Variants in GBP7 observed in about 807,000 individuals in gnomAD.
The protein encoded by GBP7 is guanylate-binding protein 7.
A neutral mutation model predicts 61.3 loss-of-function variants in GBP7; 43 were observed. That is an observed-to-expected ratio of 0.70 (90% CI 0.55 to 0.91). The LOEUF is 0.91. GBP7 is among the 40% of genes least tolerant of loss of function. GBP7 has a pLI of 0.00. For missense variants in GBP7, 717 were observed against 740.5 expected (o/e 0.97, Z 0.37); for synonymous variants, 267 against 271.0 (o/e 0.99, Z 0.14).
intron 7 of GBP7, among the ~76,000 whole-genome samples, chr1:89,148,197 C>A (rs1039003841): frequency 6.6e-6 from 1 of 152,206 alleles, no homozygotes; most frequent in Admixed American, 6.5e-5. Context: ...CAAAAAGGAT[C>A]TTAAAATGTG....
At chr1:89,172,101 A>C in intron 1 of GBP7, 147 bp from the exon 2 acceptor site, 1 of 573,970 alleles carries the variant, frequency 1.7e-6, no homozygotes, top group Non-Finnish European at 3.1e-6. Context: ...AGGCTGTCCT[A>C]TAGACTGGGC....
intron 2 of GBP7, among the ~76,000 whole-genome samples, chr1:89,166,429 C>T (rs1328757709): frequency 6.6e-6 from 1 of 152,124 alleles, no homozygotes; most frequent in African/African-American, 2.4e-5. Flanking sequence ...ATTTGAACCC[C>T]TGAATATGTA....
intron 8 of GBP7, 46 bp from the exon 9 acceptor site, chr1:89,141,694 T>C (rs753027107): frequency 3.4e-6 from 5 of 1,471,138 alleles, no homozygotes; most frequent in Non-Finnish European, 4.8e-6. Flanking sequence ...AGCAGAAATC[T>C]TGTCTTGTGA....
intron 9 of GBP7, 26 bp from the exon 10 acceptor site, chr1:89,133,477 G>A: frequency 6.2e-7 from 1 of 1,602,346 alleles, no homozygotes; most frequent in Non-Finnish European, 8.5e-7. Context: ...TTTACAGAGG[G>A]AAGAAAATAA....
chr1:89,147,655 A>G lies in GBP7; in HGVS notation c.1277T>C (p.Phe426Ser). ...LLTESISRGT[F>S]FVPGGHNIYL... ...GATATTGTGCCCCCCCGGAACAAAG[A>G]AAGTTCCTCTTGAAATACTTTCTGT... is the stretch of plus-strand genomic sequence containing the variant. Residue 426 changes from phenylalanine (F) to serine (S), a missense_variant, in exon 8 of 11, where the codon TTC becomes TCC. Physicochemically the swap from Phe to Ser is radical, Grantham distance 155. Around this residue, in one of 3 missense-constraint regions of GBP7, gnomAD observed 312 missense variants for 310.1 expected, o/e 1.01. Transcript: ENST00000294671. The G allele has an allele frequency of 2.5e-6, 4 of 1,614,200 alleles. No individual in the cohort carries two copies. The South Asian group carries it at 3.3e-5, about 13-fold the overall frequency.
At chr1:89,145,421 A>G (rs911327877) in intron 8 of GBP7, among the ~76,000 whole-genome samples, 10 of 152,146 alleles carry the variant, frequency 6.6e-5, no homozygotes, top group African/African-American at 9.6e-5. Flanking sequence ...TTATATATCT[A>G]TATTTACATA....
chr1:89,145,861 G>A (rs1200713488), intron 8 of GBP7, among the ~76,000 whole-genome samples: 1 of 151,018 alleles, frequency 6.6e-6, no homozygotes, highest in Non-Finnish European at 1.5e-5. Context: ...TACATTGACT[G>A]GAAAAATTAA....
chr1:89,158,276 A>G (rs918217850), intron 3 of GBP7, among the ~76,000 whole-genome samples: 17 of 152,230 alleles, frequency 1.1e-4, no homozygotes, highest in Non-Finnish European at 2.1e-4. Flanking sequence ...CAAAAACTGG[A>G]AGCATTCCCT....
intron 3 of GBP7, among the ~76,000 whole-genome samples, chr1:89,157,531 C>A (rs1682344764): frequency 6.6e-6 from 1 of 152,044 alleles, no homozygotes; most frequent in Non-Finnish European, 1.5e-5. Context: ...CATATCACCG[C>A]CGATCCCACA....
intron 3 of GBP7, among the ~76,000 whole-genome samples, chr1:89,155,585 T>A (rs1223952773): frequency 6.6e-6 from 1 of 152,052 alleles, no homozygotes; most frequent in Admixed American, 6.6e-5. Context: ...GCCAATTTGA[T>A]CAAGTGGAAG....
chr1:89,153,033 C>T (rs619478), intron 3 of GBP7, among the ~76,000 whole-genome samples: 106,479 of 152,152 alleles, frequency 0.7, 37,479 homozygotes, highest in East Asian at 0.78. Flanking sequence ...GCCAATCACA[C>T]GATAAGTAAA....
chr1:89,145,648 G>A lies in GBP7; in HGVS notation c.1365+1919C>T, dbSNP rs143905861. ...AGCAAAGTTGGAGGATACAAAATTA[G>A]CATACAAATTCAGCTACATTTCTAT... On this transcript the variant is annotated intron_variant, in intron 8 of 10. Coordinates refer to ENST00000294671, the MANE Select transcript of GBP7 (RefSeq NM_207398.3). Among the ~76,000 whole-genome samples the A allele has an allele frequency of 8.5e-5, 13 of 152,132 alleles. No individual in the cohort carries two copies. The East Asian group carries it at 2.5e-3, about 29-fold the overall frequency.
Position 89,162,964 on chromosome 1 carries a change from A to C in GBP7, c.318+1767T>G, listed in dbSNP as rs564286150. ...AATACCTAGTTTATTGAGAGTTTTT[A>C]CCATGAATGGACTTTGAATTTTATT... On this transcript the variant is annotated intron_variant, in intron 3 of 10. Transcript: ENST00000294671. Among the ~76,000 whole-genome samples the C allele has an allele frequency of 2.6e-5, 4 of 152,172 alleles. No homozygotes were observed. The South Asian group carries it at 8.3e-4, about 32-fold the overall frequency.
chr1:89,170,337 T>G (rs2100662190), intron 2 of GBP7, among the ~76,000 whole-genome samples: 1 of 152,326 alleles, frequency 6.6e-6, no homozygotes, highest in East Asian at 1.9e-4. Context: ...GTCTGACTTC[T>G]GCAGAAACGA....
rs553315428 is a variant in GBP7 at position 89,175,255 on chromosome 1, A to T, written c.-20+666T>A. On this transcript the variant is annotated intron_variant, in intron 1 of 10. Coordinates refer to ENST00000294671, the MANE Select transcript of GBP7 (RefSeq NM_207398.3). ...TTCCTCTGGAGGTTTATATTAAATT[A>T]TCTGGCTTCCCATCACTTCAGCAGA... 1.5e-3 allele frequency among the ~76,000 whole-genome samples: 225 copies of T among 152,294 alleles called. 1 individual carries two copies. The highest frequency in any genetic ancestry group is 2.7e-3 in the Non-Finnish European group (183 of 68,020).
intron 1 of GBP7, 25 bp from the exon 2 acceptor site, chr1:89,171,979 A>G (rs747151261): frequency 6.6e-7 from 1 of 1,524,586 alleles, no homozygotes; most frequent in Non-Finnish European, 9.0e-7. Flanking sequence ...TGAAATGGAA[A>G]GTAATGTCTG....
At chr1:89,132,962 G>A (rs985244808) in intron 10 of GBP7, among the ~76,000 whole-genome samples, 2 of 152,146 alleles carry the variant, frequency 1.3e-5, no homozygotes, top group African/African-American at 4.8e-5. Context: ...CTAAGGGCTG[G>A]TGGACTAAGG....
intron 2 of GBP7, among the ~76,000 whole-genome samples, chr1:89,171,389 C>CA (rs1647591641): frequency 6.6e-6 from 1 of 151,816 alleles, no homozygotes; most frequent in Non-Finnish European, 1.5e-5. Context: ...ACCTTAATTA[C>CA]AAAAAATAGA....
chr1:89,161,480 C>T (rs1647266444), intron 3 of GBP7, among the ~76,000 whole-genome samples: 1 of 151,878 alleles, frequency 6.6e-6, no homozygotes, highest in Non-Finnish European at 1.5e-5. Flanking sequence ...CTGGTGTGAT[C>T]ATGATAGTAT....
Sources: allele counts gnomAD v4.1 joint callset (sites outside exome capture counted in the v4.1 genomes callset), GRCh38; gene constraint gnomAD v4.1.1; regional missense constraint gnomAD v4.1.1; transcripts MANE v1.5; gene names NCBI Gene and HGNC (gene_info 2026-07-23, HGNC 2026-07-21).